RIMS2: variants seen among roughly 807,000 people sequenced by gnomAD.
The protein encoded by RIMS2 is regulating synaptic membrane exocytosis protein 2.
A neutral mutation model predicts 174.4 loss-of-function variants in RIMS2; 59 were observed. The observed-to-expected ratio is 0.34, with a 90% confidence interval of 0.27 to 0.42. RIMS2 has a LOEUF of 0.42. RIMS2 is among the 10% of genes least tolerant of loss of function. The pLI is 1.00. For missense variants in RIMS2, 1,620 were observed against 1,666.3 expected (o/e 0.97, Z 0.48); for synonymous variants, 606 against 572.5 (o/e 1.06, Z -0.84).
At chr8:103,806,955 C>T (rs1182927729) in intron 3 of RIMS2, among the ~76,000 whole-genome samples, 2 of 152,038 alleles carry the variant, frequency 1.3e-5, no homozygotes, top group Admixed American at 6.6e-5. Context: ...TCTGTTTGGC[C>T]TTGTTATGTT....
intron 19 of RIMS2, among the ~76,000 whole-genome samples, chr8:104,039,494 A>G (rs935466806): frequency 5.3e-5 from 8 of 151,806 alleles, no homozygotes; most frequent in Admixed American, 4.6e-4. Context: ...TTCAAAATAT[A>G]GGAAAATACT....
intron 1 of RIMS2, among the ~76,000 whole-genome samples, chr8:103,508,191 A>G (rs747376662): frequency 2.0e-5 from 3 of 152,102 alleles, no homozygotes; most frequent in Non-Finnish European, 2.9e-5. Context: ...AAATAATTTT[A>G]ACCATTATCA....
At chr8:103,886,004 A>G (rs772795109) in exon 4 of RIMS2, 1 of 1,613,046 alleles carries the variant, frequency 6.2e-7, no homozygotes, top group Admixed American at 1.7e-5. Flanking sequence ...TGTAAGAAAA[A>G]CAAAACGGGA....
At chr8:103,790,022 A>G (rs1002793598) in intron 3 of RIMS2, among the ~76,000 whole-genome samples, 4 of 152,158 alleles carry the variant, frequency 2.6e-5, no homozygotes, top group Non-Finnish European at 5.9e-5. Flanking sequence ...TTGGCTTCCC[A>G]AAGTGGTGGG....
At chr8:103,898,914 C>T (rs917086241) in intron 4 of RIMS2, among the ~76,000 whole-genome samples, 2 of 151,078 alleles carry the variant, frequency 1.3e-5, no homozygotes, top group Admixed American at 1.3e-4. Context: ...TGATGTTCCC[C>T]TTCCTGTCCA....
At chr8:103,995,505 T>G (rs2095034734) in intron 17 of RIMS2, among the ~76,000 whole-genome samples, 1 of 152,058 alleles carries the variant, frequency 6.6e-6, no homozygotes, top group Non-Finnish European at 1.5e-5. Context: ...GACAGAATGA[T>G]GAACATGAAC....
intron 14 of RIMS2, among the ~76,000 whole-genome samples, chr8:103,944,694 A>T (rs1427794792): frequency 6.6e-6 from 1 of 152,054 alleles, no homozygotes; most frequent in Non-Finnish European, 1.5e-5. Context: ...TCACATCCCC[A>T]TATGATCTTT....
chr8:104,060,177 T>C (rs2096954991), intron 19 of RIMS2, among the ~76,000 whole-genome samples: 1 of 151,820 alleles, frequency 6.6e-6, no homozygotes, highest in Admixed American at 6.6e-5. Context: ...CTGGTAGAAT[T>C]CGGCTGTGAA....
chr8:103,513,014 T>G (rs1827291008), intron 1 of RIMS2, among the ~76,000 whole-genome samples: 1 of 152,322 alleles, frequency 6.6e-6, no homozygotes, highest in Non-Finnish European at 1.5e-5. Flanking sequence ...AATGTTGTGT[T>G]AACTAATTCT....
At chr8:103,580,061 A>G (rs563445456) in intron 1 of RIMS2, among the ~76,000 whole-genome samples, 115 of 152,232 alleles carry the variant, frequency 7.6e-4, no homozygotes, top group African/African-American at 2.7e-3. Context: ...ACAATTCGAC[A>G]TGAGATTTGG....
At chr8:103,783,360 G>T (rs1164503762) in intron 3 of RIMS2, among the ~76,000 whole-genome samples, 2 of 149,454 alleles carry the variant, frequency 1.3e-5, no homozygotes, top group Admixed American at 1.3e-4. Context: ...ATGCTGGTGC[G>T]CTGCACCCAC....
intron 19 of RIMS2, among the ~76,000 whole-genome samples, chr8:104,195,537 A>C (rs1207417525): frequency 6.7e-6 from 1 of 150,270 alleles, no homozygotes; most frequent in African/African-American, 2.5e-5. Context: ...TTTTTTGAGA[A>C]AGAATCTCTC....
intron 19 of RIMS2, among the ~76,000 whole-genome samples, chr8:104,145,387 TAATA>T (rs2098627402): frequency 6.6e-6 from 1 of 152,180 alleles, no homozygotes; most frequent in Admixed American, 6.5e-5. Flanking sequence ...ATTACTAATG[TAATA>T]CGTCTTTTCC....
At chr8:104,022,570 C>T (rs1399359359) in intron 19 of RIMS2, among the ~76,000 whole-genome samples, 2 of 151,892 alleles carry the variant, frequency 1.3e-5, no homozygotes, top group Admixed American at 6.6e-5. Context: ...CTAGTAAAGA[C>T]GGGTTTCACT....
chr8:103,911,948 G>A (rs1175529067), intron 5 of RIMS2, 105 bp from the exon 9 acceptor site: 2 of 839,854 alleles, frequency 2.4e-6, no homozygotes, highest in Non-Finnish European at 3.5e-6. Context: ...AAATTCTGAA[G>A]TTTAGAGAGG....
At chr8:103,832,378 A>AT (rs375381331) in intron 3 of RIMS2, among the ~76,000 whole-genome samples, 17 of 151,864 alleles carry the variant, frequency 1.1e-4, no homozygotes, top group African/African-American at 3.9e-4. Flanking sequence ...GTGGAACTCA[A>AT]TTTTTTTTAA....
chr8:103,538,497 C>T (rs190145194), intron 1 of RIMS2, among the ~76,000 whole-genome samples: 1 of 143,850 alleles, frequency 7.0e-6, no homozygotes, highest in Non-Finnish European at 1.5e-5. Context: ...CTCTTCCCCC[C>T]CAAGTCCCCA....
chr8:104,035,569 AG>A (rs1287694772), intron 19 of RIMS2, among the ~76,000 whole-genome samples: 1 of 151,858 alleles, frequency 6.6e-6, no homozygotes, highest in Non-Finnish European at 1.5e-5. Context: ...CTTTAGGAAA[AG>A]TAAATATTCA....
At chr8:104,201,525 A>G (rs2099054741) in intron 19 of RIMS2, among the ~76,000 whole-genome samples, 2 of 152,204 alleles carry the variant, frequency 1.3e-5, no homozygotes, top group Admixed American at 1.3e-4. Context: ...TATTGGATTG[A>G]GACATTTTAG....
Sources: allele counts gnomAD v4.1 joint callset (sites outside exome capture counted in the v4.1 genomes callset), GRCh38; gene constraint gnomAD v4.1.1; transcripts MANE v1.5; gene names NCBI Gene and HGNC (gene_info 2026-07-23, HGNC 2026-07-21).